RNF128: variants seen among roughly 807,000 people sequenced by gnomAD.
RNF128 encodes ring finger protein 128, also known as E3 ubiquitin-protein ligase RNF128.
A neutral mutation model predicts 26.2 loss-of-function variants in RNF128; 13 were observed. The ratio of observed to expected loss-of-function variants is 0.50; its 90% CI spans 0.32 to 0.79. RNF128 has a LOEUF of 0.79. Ranked by LOEUF, RNF128 falls within the 30% of genes least tolerant of loss-of-function variation. The probability of loss-of-function intolerance (pLI) is 0.03; values close to 1 mark genes in which losing one functional copy is unlikely to be tolerated. For missense variants in RNF128, 315 were observed against 349.7 expected (o/e 0.90, Z 0.79); for synonymous variants, 149 against 142.5 (o/e 1.05, Z -0.32).
chrX:106,720,083 G>A lies in RNF128; in HGVS notation c.406+25675G>A, dbSNP rs766239302. Among the ~76,000 whole-genome samples, 4 of 111,013 alleles carry A rather than the reference G, an allele frequency of 3.6e-5. No individual in the cohort carries two copies. In the East Asian group the frequency reaches 1.1e-3, roughly 31 times the overall value. ...ACCTGAAAAGGAAAGATAGGAGACT[G>A]CATGAGACAAGATGTTTCCGAGGTA... is the stretch of plus-strand genomic sequence containing the variant. On this transcript the variant is annotated intron_variant, in intron 1 of 6. Coordinates refer to the RNF128 transcript ENST00000324342.
At chrX:106,780,522 A>G in intron 2 of RNF128, among the ~76,000 whole-genome samples, 1 of 112,042 alleles carries the variant, frequency 8.9e-6, no homozygotes, top group East Asian at 2.8e-4. Flanking sequence ...ATATTCTTAG[A>G]CCAGGTATCT....
intron 1 of RNF128, among the ~76,000 whole-genome samples, chrX:106,766,417 T>C (rs145602894): frequency 5.0e-4 from 56 of 112,455 alleles, no homozygotes; most frequent in African/African-American, 1.7e-3. Context: ...CTAAGTCGTG[T>C]GAGATGGTAT....
intron 1 of RNF128, among the ~76,000 whole-genome samples, chrX:106,717,447 T>C (rs1929237353): frequency 8.9e-6 from 1 of 111,851 alleles, no homozygotes; most frequent in South Asian, 3.7e-4. Context: ...CTTATATTGC[T>C]GATAATCTAG....
chrX:106,765,797 A>G (rs1026767287), intron 1 of RNF128, among the ~76,000 whole-genome samples: 2 of 111,034 alleles, frequency 1.8e-5, no homozygotes, highest in African/African-American at 3.3e-5. Flanking sequence ...TACATGTGCC[A>G]TGTTGGTGTG....
chrX:106,753,421 A>G (rs1291116967), intron 1 of RNF128, among the ~76,000 whole-genome samples: 2 of 111,656 alleles, frequency 1.8e-5, no homozygotes, highest in East Asian at 2.8e-4. Flanking sequence ...GATGTTATCT[A>G]TAACATTCAT....
chrX:106,715,063 G>A (rs1234546981), intron 1 of RNF128, among the ~76,000 whole-genome samples: 2 of 111,612 alleles, frequency 1.8e-5, no homozygotes, highest in Admixed American at 9.5e-5. Context: ...CTGAGATAAA[G>A]GTCCATGACT....
Position 106,762,547 on chromosome X carries a change from A to G in RNF128, c.485-10366A>G, listed in dbSNP as rs142551045. Among the ~76,000 whole-genome samples the G allele has an allele frequency of 5.2e-3, 578 of 111,098 alleles. 9 individuals carry two copies. Among genetic ancestry groups the G allele is most frequent in the Admixed American group, 0.044 (458 of 10,413 alleles). ...AAGCTGGTCTTGAACTCCTGACCTCAGGTGATCCGCCCCCCATCGGCCTCC... is the reference window on the plus strand; with the variant it reads ...AAGCTGGTCTTGAACTCCTGACCTCGGGTGATCCGCCCCCCATCGGCCTCC... On this transcript the variant is annotated intron_variant, in intron 1 of 6. Transcript: ENST00000255499.
intron 2 of RNF128, among the ~76,000 whole-genome samples, chrX:106,780,108 A>G (rs1467066708): frequency 5.4e-5 from 6 of 111,357 alleles, no homozygotes; most frequent in African/African-American, 1.6e-4. Context: ...TCCTCCATCA[A>G]GTAATTAGGT....
upstream of RNF128, chrX:106,726,575 C>T (rs931406872): frequency 2.7e-6 from 2 of 735,724 alleles, no homozygotes; most frequent in Non-Finnish European, 3.3e-6. Context: ...ATTCTAACAT[C>T]GATCCATCCT....
chrX:106,720,037 G>A (rs1929283361), intron 1 of RNF128, among the ~76,000 whole-genome samples: 1 of 110,814 alleles, frequency 9.0e-6, no homozygotes, highest in South Asian at 3.8e-4. Context: ...TAATTCTTTT[G>A]GAATCTTCAC....
chrX:106,717,202 C>CA (rs1185297804), intron 1 of RNF128, among the ~76,000 whole-genome samples: 263 of 64,385 alleles, frequency 4.1e-3, no homozygotes, highest in African/African-American at 8.8e-3. Flanking sequence ...GACTCCGTCT[C>CA]AAAAAAAAAA....
chrX:106,757,856 A>AT (rs1373587069), intron 1 of RNF128, among the ~76,000 whole-genome samples: 1 of 112,295 alleles, frequency 8.9e-6, no homozygotes, highest in Non-Finnish European at 1.9e-5. Context: ...GGAAAAACTG[A>AT]AAGCCTTTCC....
At chrX:106,743,412 C>T (rs1312681096) in intron 1 of RNF128, among the ~76,000 whole-genome samples, 2 of 111,806 alleles carry the variant, frequency 1.8e-5, no homozygotes, top group South Asian at 7.5e-4. Context: ...ATAACTGAGT[C>T]TGCCTAACTG....
intron 1 of RNF128, among the ~76,000 whole-genome samples, chrX:106,719,604 C>T (rs747381001): frequency 9.0e-6 from 1 of 111,720 alleles, no homozygotes; most frequent in South Asian, 3.8e-4. Context: ...CCTTCTACAG[C>T]TCTTCTCTCA....
At chrX:106,775,750 A>G (rs1001772030) in intron 2 of RNF128, among the ~76,000 whole-genome samples, 1 of 112,254 alleles carries the variant, frequency 8.9e-6, no homozygotes, top group African/African-American at 3.2e-5. Context: ...ATCACTAAAC[A>G]TTTAACTATA....
chrX:106,765,864 C>T (rs111819812), intron 1 of RNF128, among the ~76,000 whole-genome samples: 15 of 104,888 alleles, frequency 1.4e-4, no homozygotes, highest in East Asian at 6.0e-4. Flanking sequence ...ATGCTATCCC[C>T]CCCAGCCCCC....
intron 1 of RNF128, 91 bp from the exon 2 acceptor site, chrX:106,772,822 C>T (rs1930397167): frequency 1.1e-5 from 10 of 924,169 alleles, no homozygotes; most frequent in Non-Finnish European, 1.5e-5. Context: ...TCCTTTGTCT[C>T]ATTGAGACCC....
intron 1 of RNF128, 69 bp from the exon 2 acceptor site, chrX:106,772,844 T>G (rs927841904): frequency 6.2e-5 from 67 of 1,074,448 alleles, no homozygotes; most frequent in Non-Finnish European, 1.4e-5. Context: ...TTTAAAATCA[T>G]TTTAGCAATT....
intron 1 of RNF128, among the ~76,000 whole-genome samples, chrX:106,694,813 C>T (rs1928849199): frequency 9.0e-6 from 1 of 111,519 alleles, no homozygotes; most frequent in African/African-American, 3.2e-5. Context: ...AACTGCAAAA[C>T]AGTTTCATTA....
Sources: gnomAD v4.1 joint callset for allele counts (sites outside exome capture counted in the v4.1 genomes callset) on GRCh38, gnomAD v4.1.1 for gene constraint, MANE v1.5 for transcripts, NCBI Gene and HGNC (gene_info 2026-07-23, HGNC 2026-07-21) for gene names.